The following ARHGAP6 variants were observed in gnomAD, a reference collection of about 807,000 sequenced individuals.
The protein encoded by ARHGAP6 is rho GTPase-activating protein 6.
In ARHGAP6, 16 loss-of-function variants were observed where a neutral mutation model predicts 55.7. That is an observed-to-expected ratio of 0.29 (90% confidence interval 0.19 to 0.44). ARHGAP6 has a LOEUF of 0.44. Among genes scored for constraint, ARHGAP6 ranks in the 20% least tolerant of loss-of-function variants. ARHGAP6 has a pLI of 1.00. For synonymous variants in ARHGAP6, 382 were observed against 360.9 expected, an observed-to-expected ratio of 1.06 and a Z score of -0.66; for missense variants, 698 against 808.9, an observed-to-expected ratio of 0.86 and a Z score of 1.66.
At chrX:11,642,044 C>T (rs769144839) in intron 1 of ARHGAP6, among the ~76,000 whole-genome samples, 226 of 111,840 alleles carry the variant, frequency 2.0e-3, no homozygotes, top group Middle Eastern at 4.6e-3. Flanking sequence ...ACCATAAGTA[C>T]GGATCCATTT....
chrX:11,614,137 G>T (rs2147156528), intron 1 of ARHGAP6, among the ~76,000 whole-genome samples: 1 of 111,066 alleles, frequency 9.0e-6, no homozygotes, highest in African/African-American at 3.3e-5. Flanking sequence ...CTATCCTCAA[G>T]GACCTGCTGG....
chrX:11,169,388 A>G (rs989611048), intron 9 of ARHGAP6, 117 bp downstream of exon 9: 2 of 665,290 alleles, frequency 3.0e-6, no homozygotes, highest in Admixed American at 8.9e-5. Context: ...CTGACTTCCA[A>G]TGAATTCAGT....
chrX:11,648,790 T>C (rs908124151), intron 1 of ARHGAP6, among the ~76,000 whole-genome samples: 1 of 111,725 alleles, frequency 9.0e-6, no homozygotes, highest in Non-Finnish European at 1.9e-5. Flanking sequence ...GTAGCTAAGA[T>C]TGTGGGTGAC....
At chrX:11,387,206 G>C (rs1048268848) in intron 1 of ARHGAP6, among the ~76,000 whole-genome samples, 1 of 112,026 alleles carries the variant, frequency 8.9e-6, no homozygotes, top group African/African-American at 3.2e-5. Context: ...ACATCAGTGG[G>C]TGTCAACCCT....
At chrX:11,605,510 A>G (rs953716761) in intron 1 of ARHGAP6, among the ~76,000 whole-genome samples, 2 of 111,679 alleles carry the variant, frequency 1.8e-5, no homozygotes, top group Non-Finnish European at 3.8e-5. Flanking sequence ...TGTTACTTGT[A>G]CAAGAGCTCT....
intron 2 of ARHGAP6, among the ~76,000 whole-genome samples, chrX:11,199,920 C>T (rs927734483): frequency 1.8e-5 from 2 of 112,473 alleles, no homozygotes; most frequent in African/African-American, 6.5e-5. Context: ...AATGCAACTG[C>T]TTATTCCTCT....
At chrX:11,196,868 A>C in intron 3 of ARHGAP6, 57 bp downstream of exon 3, 1 of 664,014 alleles carries the variant, frequency 1.5e-6, no homozygotes, top group Non-Finnish European at 2.5e-6. Flanking sequence ...AACCCCACCA[A>C]ATTTAACCAT....
chrX:11,402,602 G>A (rs1028070636), intron 1 of ARHGAP6, among the ~76,000 whole-genome samples: 2 of 111,433 alleles, frequency 1.8e-5, no homozygotes, highest in Non-Finnish European at 3.8e-5. Flanking sequence ...GCAACACCAA[G>A]GCATGCTTGC....
chrX:11,284,791 TG>T (rs1173734627), intron 1 of ARHGAP6, among the ~76,000 whole-genome samples: 1 of 111,163 alleles, frequency 9.0e-6, no homozygotes, highest in Non-Finnish European at 1.9e-5. Context: ...ATTCTTTATT[TG>T]GGGGGCTTTC....
intron 2 of ARHGAP6, among the ~76,000 whole-genome samples, chrX:11,237,010 C>G (rs2047212032): frequency 8.9e-6 from 1 of 112,608 alleles, no homozygotes; most frequent in Non-Finnish European, 1.9e-5. Context: ...CTCTGCCCTC[C>G]CAGAAGTCTG....
intron 1 of ARHGAP6, among the ~76,000 whole-genome samples, chrX:11,626,940 T>G (rs1483179250): frequency 2.7e-5 from 3 of 111,599 alleles, no homozygotes; most frequent in African/African-American, 9.7e-5. Context: ...CAGAAATTCA[T>G]AGAAAAACTA....
chrX:11,430,222 G>T (rs2049927725), intron 1 of ARHGAP6, among the ~76,000 whole-genome samples: 1 of 112,273 alleles, frequency 8.9e-6, no homozygotes, highest in South Asian at 3.7e-4. Context: ...CAAAAATGTA[G>T]TAAGTCACTA....
chrX:11,185,037 C>T (rs1395942503), intron 5 of ARHGAP6, among the ~76,000 whole-genome samples: 2 of 111,179 alleles, frequency 1.8e-5, no homozygotes, highest in African/African-American at 6.5e-5. Flanking sequence ...ATTTGTGTAT[C>T]TAAATATAGT....
chrX:11,188,004 C>T (rs1045098937), intron 4 of ARHGAP6, among the ~76,000 whole-genome samples: 1 of 111,263 alleles, frequency 9.0e-6, no homozygotes, highest in Admixed American at 9.5e-5. Context: ...TGCACTCCAG[C>T]CTGGGCAACA....
At chrX:11,388,525 T>G (rs1042017525) in intron 1 of ARHGAP6, among the ~76,000 whole-genome samples, 27 of 112,038 alleles carry the variant, frequency 2.4e-4, no homozygotes, top group African/African-American at 8.4e-4. Context: ...TCTGATGGTA[T>G]TTTCTCTTGC....
intron 8 of ARHGAP6, 28 bp from the exon 9 acceptor site, chrX:11,169,712 T>C: frequency 9.4e-7 from 1 of 1,061,491 alleles, no homozygotes; most frequent in Non-Finnish European, 1.2e-6. Context: ...ACAAGGACTG[T>C]TGTTATGTTT....
intron 1 of ARHGAP6, among the ~76,000 whole-genome samples, chrX:11,352,718 A>G (rs2048878381): frequency 1.8e-5 from 2 of 111,646 alleles, no homozygotes; most frequent in African/African-American, 6.5e-5. Context: ...TTACTTAATC[A>G]TCCCCAAGGA....
At chrX:11,407,811 A>G (rs2049629067) in intron 1 of ARHGAP6, among the ~76,000 whole-genome samples, 1 of 111,645 alleles carries the variant, frequency 9.0e-6, no homozygotes, top group Non-Finnish European at 1.9e-5. Flanking sequence ...TTCATTGGCC[A>G]TTTGGAGTTG....
At chrX:11,154,540 C>G (rs1467539173) in intron 10 of ARHGAP6, among the ~76,000 whole-genome samples, 1 of 112,424 alleles carries the variant, frequency 8.9e-6, no homozygotes, top group Non-Finnish European at 1.9e-5. Context: ...TAATGCCACA[C>G]AAAAGCAGAA....
Sources: allele counts gnomAD v4.1 joint callset (sites outside exome capture counted in the v4.1 genomes callset), GRCh38; gene constraint gnomAD v4.1.1; transcripts MANE v1.5; gene names NCBI Gene and HGNC (gene_info 2026-07-23, HGNC 2026-07-21).